The following RNF13 variants were observed in gnomAD, a reference collection of about 807,000 sequenced individuals.
The protein encoded by RNF13 is E3 ubiquitin-protein ligase RNF13.
A neutral mutation model predicts 37.7 loss-of-function variants in RNF13; 19 were observed. That is an observed-to-expected ratio of 0.50 (90% CI 0.35 to 0.74). The LOEUF (loss-of-function observed/expected upper bound fraction) is 0.74. RNF13 is among the 30% of genes least tolerant of loss of function. The pLI is 0.01. For missense variants in RNF13, 375 were observed against 453.0 expected (o/e 0.83, Z 1.56); for synonymous variants, 144 against 157.8 (o/e 0.91, Z 0.65).
At chr3:149,879,652 A>G (rs974089255) in intron 4 of RNF13, among the ~76,000 whole-genome samples, 3 of 152,200 alleles carry the variant, frequency 2.0e-5, no homozygotes, top group Non-Finnish European at 4.4e-5. Flanking sequence ...TACAGATTAT[A>G]TTAAATGAGC....
intron 8 of RNF13, among the ~76,000 whole-genome samples, chr3:149,945,585 G>A (rs977818506): frequency 7.9e-5 from 12 of 152,266 alleles, no homozygotes; most frequent in Admixed American, 1.3e-4. Context: ...CTCCCAGCAC[G>A]CAGCTTGAGA....
Position 149,961,234 on chromosome 3 carries a change from A to T in RNF13, c.*130A>T. 1.2e-6 allele frequency: 1 copy of T among 802,948 alleles called. No homozygotes were observed. Among genetic ancestry groups the T allele is most frequent in the East Asian group, 2.6e-5 (1 of 38,330 alleles). The allele number at this position is 802,948 out of a possible 1,614,324, so 49.7% of individuals were successfully genotyped here. ...TAGTATTCTACAGTTTAATCAAATTACTGAAACAGGACTTTTGATCTGGTA... is the reference window on the plus strand; with the variant it reads ...TAGTATTCTACAGTTTAATCAAATTTCTGAAACAGGACTTTTGATCTGGTA... On this transcript the variant is annotated 3_prime_UTR_variant, in exon 10 of 10. Transcript: ENST00000392894.
At chr3:149,852,150 G>A (rs1477122711) in intron 2 of RNF13, among the ~76,000 whole-genome samples, 1 of 152,112 alleles carries the variant, frequency 6.6e-6, no homozygotes. Context: ...ATTTCTTCCA[G>A]TAAATCAGAC....
chr3:149,877,472 C>CTTTTTTTT (rs369676407), intron 4 of RNF13, among the ~76,000 whole-genome samples: 11 of 101,432 alleles, frequency 1.1e-4, no homozygotes, highest in South Asian at 3.3e-4. Flanking sequence ...TTCTTTCTGT[C>CTTTTTTTT]TTTTTTTTTT....
chr3:149,848,072 G>A (rs1722802530), intron 2 of RNF13, among the ~76,000 whole-genome samples: 1 of 152,046 alleles, frequency 6.6e-6, no homozygotes, highest in Non-Finnish European at 1.5e-5. Flanking sequence ...GCTTAGAATA[G>A]TATCTGACAC....
At chr3:149,889,054 T>C (rs1714362714) in intron 4 of RNF13, among the ~76,000 whole-genome samples, 2 of 151,874 alleles carry the variant, frequency 1.3e-5, no homozygotes, top group Middle Eastern at 3.2e-3. Flanking sequence ...TTCTCCTGCC[T>C]CAGCCTCCCG....
chr3:149,887,335 C>A (rs1050950148), intron 4 of RNF13, among the ~76,000 whole-genome samples: 1 of 152,176 alleles, frequency 6.6e-6, no homozygotes, highest in African/African-American at 2.4e-5. Flanking sequence ...CAGTATAAAT[C>A]ATCTAGACCA....
At chr3:149,832,240 G>T (rs1012214061) in intron 1 of RNF13, among the ~76,000 whole-genome samples, 4 of 152,178 alleles carry the variant, frequency 2.6e-5, no homozygotes, top group Non-Finnish European at 5.9e-5. Flanking sequence ...TGTAGCTTCA[G>T]AACCAGTGGA....
At chr3:149,931,625 A>C (rs1719172443) in intron 8 of RNF13, among the ~76,000 whole-genome samples, 4 of 152,290 alleles carry the variant, frequency 2.6e-5, no homozygotes, top group Non-Finnish European at 5.9e-5. Context: ...ACATGCATAC[A>C]ATATGTAAGG....
At chr3:149,818,918 TA>T (rs1157486008) in intron 1 of RNF13, among the ~76,000 whole-genome samples, 1 of 151,722 alleles carries the variant, frequency 6.6e-6, no homozygotes, top group African/African-American at 2.4e-5. Context: ...CTCAAAAAAA[TA>T]AAATAAGATA....
chr3:149,899,908 T>C (rs915497256), intron 5 of RNF13, among the ~76,000 whole-genome samples: 1 of 152,190 alleles, frequency 6.6e-6, no homozygotes, highest in Non-Finnish European at 1.5e-5. Context: ...AATGGAGATA[T>C]TGAATGGACA....
At chr3:149,855,526 T>G (rs1434204759) in intron 3 of RNF13, among the ~76,000 whole-genome samples, 2 of 146,772 alleles carry the variant, frequency 1.4e-5, no homozygotes, top group Admixed American at 1.3e-4. Context: ...CATTAAAAAA[T>G]ATATATGTAT....
At chr3:149,870,856 T>C (rs1711960874) in intron 3 of RNF13, among the ~76,000 whole-genome samples, 1 of 151,774 alleles carries the variant, frequency 6.6e-6, no homozygotes, top group Non-Finnish European at 1.5e-5. Context: ...TCCTGTGGAA[T>C]AGATGATTGG....
intron 4 of RNF13, among the ~76,000 whole-genome samples, chr3:149,873,806 A>G (rs748382694): frequency 4.6e-5 from 7 of 151,926 alleles, no homozygotes; most frequent in Non-Finnish European, 1.0e-4. Flanking sequence ...TACTTCCTTC[A>G]TTGCTTTTTA....
chr3:149,871,657 A>T (rs1167243658), intron 3 of RNF13, among the ~76,000 whole-genome samples: 1 of 151,904 alleles, frequency 6.6e-6, no homozygotes, highest in Non-Finnish European at 1.5e-5. Flanking sequence ...TTTATTTATT[A>T]TGTGCATTTC....
chr3:149,951,095 CT>C (rs1424290190), intron 8 of RNF13, among the ~76,000 whole-genome samples: 3 of 152,118 alleles, frequency 2.0e-5, no homozygotes, highest in South Asian at 4.1e-4. Context: ...GGAGGTAAAA[CT>C]CAAAAAAGCA....
chr3:149,936,034 T>G (rs1719636093), intron 8 of RNF13, among the ~76,000 whole-genome samples: 1 of 152,090 alleles, frequency 6.6e-6, no homozygotes, highest in African/African-American at 2.4e-5. Context: ...AGTTTTTTTT[T>G]TTCCTTTAGC....
chr3:149,895,216 G>A (rs1715118532), intron 4 of RNF13: 3 of 315,054 alleles, frequency 9.5e-6, no homozygotes, highest in South Asian at 2.5e-4. Context: ...TACAAAAGAA[G>A]TAATTTGCTC....
intron 3 of RNF13, among the ~76,000 whole-genome samples, chr3:149,861,080 GCTGA>G (rs921808033): frequency 1.3e-5 from 2 of 152,022 alleles, no homozygotes; most frequent in Admixed American, 6.6e-5. Flanking sequence ...ATCCAGTTAG[GCTGA>G]CTATCATTAA....
Sources: gnomAD v4.1 joint callset for allele counts (sites outside exome capture counted in the v4.1 genomes callset) on GRCh38, gnomAD v4.1.1 for gene constraint, MANE v1.5 for transcripts, NCBI Gene and HGNC (gene_info 2026-07-23, HGNC 2026-07-21) for gene names.